Variants in SDAD1 observed in about 807,000 individuals in gnomAD.
The protein encoded by SDAD1 is protein SDA1 homolog.
Under a neutral mutation model 100.3 loss-of-function variants are expected in SDAD1, and 79 were observed. The observed-to-expected ratio is 0.79, with a 90% CI of 0.66 to 0.95. The LOEUF is 0.95. Ranked by LOEUF, SDAD1 falls within the 40% of genes least tolerant of loss-of-function variation. The probability of loss-of-function intolerance (pLI) is 0.00; values close to 1 mark genes in which losing one functional copy is unlikely to be tolerated. For synonymous variants in SDAD1, 267 were observed against 271.4 expected (o/e 0.98, Z 0.16); for missense variants, 790 against 810.9 (o/e 0.97, Z 0.31).
At chr4:75,980,436 G>A (rs1383851268) in intron 3 of SDAD1, among the ~76,000 whole-genome samples, 1 of 152,200 alleles carries the variant, frequency 6.6e-6, no homozygotes, top group African/African-American at 2.4e-5. Context: ...ATATTAGTAC[G>A]TTTTGTGATC....
intron 14 of SDAD1, among the ~76,000 whole-genome samples, chr4:75,962,611 T>A (rs1418868645): frequency 6.6e-6 from 1 of 152,228 alleles, no homozygotes; most frequent in African/African-American, 2.4e-5. Flanking sequence ...TGAGATGGTA[T>A]CTCATTGTGG....
chr4:75,956,972 T>C (rs1231913159), intron 20 of SDAD1, among the ~76,000 whole-genome samples: 1 of 152,128 alleles, frequency 6.6e-6, no homozygotes, highest in Non-Finnish European at 1.5e-5. Context: ...TAGCTGGGCG[T>C]GGTAGCAGAC....
intron 11 of SDAD1, among the ~76,000 whole-genome samples, chr4:75,967,890 G>C (rs1729638459): frequency 2.0e-5 from 3 of 152,172 alleles, no homozygotes; most frequent in Admixed American, 2.0e-4. Flanking sequence ...ACACTCTGAA[G>C]TCCACCTAAA....
chr4:75,966,684 G>T (rs529917727), intron 12 of SDAD1, among the ~76,000 whole-genome samples: 18 of 152,252 alleles, frequency 1.2e-4, no homozygotes, highest in South Asian at 6.2e-4. Flanking sequence ...GCAATAAAAC[G>T]TCAATTTTTT....
chr4:75,974,803 A>AG (rs1182617145), intron 6 of SDAD1, among the ~76,000 whole-genome samples: 1 of 152,170 alleles, frequency 6.6e-6, no homozygotes, highest in Non-Finnish European at 1.5e-5. Context: ...GCACTTTGGG[A>AG]GGCCGAAGCG....
At chr4:75,962,710 T>C (rs963043645) in intron 14 of SDAD1, among the ~76,000 whole-genome samples, 3 of 152,256 alleles carry the variant, frequency 2.0e-5, no homozygotes, top group African/African-American at 4.8e-5. Context: ...TTGAGAAGCA[T>C]CTGTTCATAT....
rs569967772 is a variant in SDAD1 at position 75,960,270 on chromosome 4, T to C, written c.1357-78A>G. The stretch of plus-strand genomic sequence containing the variant: ...TCATGAAAGGTAGTCTCTGAAATTA[T>C]GAATTTATTTTATTTATTTATTTGA... On this transcript the variant is annotated intron_variant, in intron 16 of 21. Transcript: ENST00000356260. 1.3e-5 allele frequency: 17 copies of C among 1,260,466 alleles called. No homozygotes were observed. The African/African-American group carries it at 1.8e-4, about 13-fold the overall frequency. 78.1% of individuals were successfully genotyped at this position (1,260,466 alleles called of 1,614,324 possible). A position where few individuals can be genotyped will look rare whatever the true frequency, so the allele number is the denominator to read the frequency against.
At chr4:75,959,557 T>C (rs2149311163) in intron 17 of SDAD1, among the ~76,000 whole-genome samples, 1 of 151,514 alleles carries the variant, frequency 6.6e-6, no homozygotes, top group African/African-American at 2.4e-5. Flanking sequence ...TGAGCTGAGA[T>C]CGTACCACTG....
chr4:75,981,161 G>T (rs572942629), intron 3 of SDAD1, among the ~76,000 whole-genome samples: 2 of 152,332 alleles, frequency 1.3e-5, no homozygotes, highest in South Asian at 2.1e-4. Context: ...GCTGGAAGCA[G>T]ATCATGCAGG....
At chr4:75,989,663 TCTCA>T (rs1731117726) in intron 1 of SDAD1, among the ~76,000 whole-genome samples, 1 of 152,234 alleles carries the variant, frequency 6.6e-6, no homozygotes, top group Non-Finnish European at 1.5e-5. Flanking sequence ...TTATATAGAC[TCTCA>T]ACTTACCACT....
chr4:75,970,460 T>G (rs905039924), intron 9 of SDAD1, 82 bp from the exon 10 acceptor site: 1 of 1,030,922 alleles, frequency 9.7e-7, no homozygotes, highest in African/African-American at 1.6e-5. Flanking sequence ...AAGGCTGTTA[T>G]AAGTCCATTA....
At chr4:75,963,360 T>A (rs1729359157) in intron 14 of SDAD1, among the ~76,000 whole-genome samples, 1 of 152,174 alleles carries the variant, frequency 6.6e-6, no homozygotes, top group African/African-American at 2.4e-5. Flanking sequence ...TAGGATTGTC[T>A]TGGCAATGTG....
At chr4:75,981,310 A>C (rs1730494744) in intron 3 of SDAD1, 62 bp downstream of exon 3, 6 of 1,449,896 alleles carry the variant, frequency 4.1e-6, no homozygotes, top group Non-Finnish European at 5.8e-6. Flanking sequence ...TCTCATTTAA[A>C]TATATATGAA....
intron 14 of SDAD1, among the ~76,000 whole-genome samples, chr4:75,963,741 G>A (rs1729382291): frequency 1.3e-5 from 2 of 152,044 alleles, no homozygotes; most frequent in African/African-American, 2.4e-5. Context: ...CAGCAACGAG[G>A]CCCCCACCAG....
intron 3 of SDAD1, among the ~76,000 whole-genome samples, chr4:75,979,674 C>G (rs1030399891): frequency 6.6e-6 from 1 of 151,960 alleles, no homozygotes; most frequent in Non-Finnish European, 1.5e-5. Flanking sequence ...AGGCTGGTCT[C>G]GAACTCCCGA....
Position 75,971,410 on chromosome 4 carries a change from T to G in SDAD1, c.760A>C (p.Lys254Gln). 4 of 1,614,126 alleles carry G rather than the reference T, an allele frequency of 2.5e-6. No individual in the cohort carries two copies. Among genetic ancestry groups the G allele is most frequent in the Non-Finnish European group, 1.7e-6 (2 of 1,179,990 alleles). Residue 254 changes from lysine to glutamine, a missense_variant, in exon 9 of 22, where the codon AAG becomes CAG. Physicochemically the swap from Lys to Gln is moderately conservative, Grantham distance 53 (BLOSUM62 1). Coordinates refer to ENST00000356260, the MANE Select transcript of SDAD1 (RefSeq NM_018115.4). ...RDLLVQYATGKKSSKNKKKLE... is the reference protein window; with the variant it reads ...RDLLVQYATGQKSSKNKKKLE... ...TTTTTCTTGTTTTTGGAACTTTTCT[T>G]CCCTGTAGCATATTGTACTAGCAGG...
intron 11 of SDAD1, 108 bp from the exon 12 acceptor site, chr4:75,967,442 GTT>G (rs1031414107): frequency 6.0e-6 from 6 of 997,826 alleles, no homozygotes; most frequent in Non-Finnish European, 9.2e-6. Flanking sequence ...GAACACTTTT[GTT>G]TTTTTCTCAG....
chr4:75,976,290 T>C (rs557890613), intron 4 of SDAD1, among the ~76,000 whole-genome samples: 4 of 152,198 alleles, frequency 2.6e-5, no homozygotes, highest in Non-Finnish European at 5.9e-5. Flanking sequence ...GCCTTATTCA[T>C]AGTGGCCAAA....
At chr4:75,961,441 C>T in intron 14 of SDAD1, 133 bp from the exon 15 acceptor site, 1 of 637,144 alleles carries the variant, frequency 1.6e-6, no homozygotes, top group Non-Finnish European at 2.7e-6. Context: ...GTCTCCAAAA[C>T]TGCAGCATGT....
Sources: allele counts gnomAD v4.1 joint callset (sites outside exome capture counted in the v4.1 genomes callset), GRCh38; gene constraint gnomAD v4.1.1; transcripts MANE v1.5; gene names NCBI Gene and HGNC (gene_info 2026-07-23, HGNC 2026-07-21).